The following ZNF385C variants were observed in gnomAD, a reference collection of about 807,000 sequenced individuals.
The protein encoded by ZNF385C is CTD-2132N18.2.
Under a neutral mutation model 35.4 loss-of-function variants are expected in ZNF385C, and 28 were observed. The ratio of observed to expected loss-of-function variants is 0.79; its 90% CI spans 0.59 to 1.08. ZNF385C has a LOEUF of 1.08. Among genes scored for constraint, ZNF385C ranks in the 50% least tolerant of loss-of-function variants. ZNF385C has a pLI of 0.00. For synonymous variants in ZNF385C, 248 were observed against 248.2 expected (o/e 1.00, Z 0.01); for missense variants, 605 against 595.6 (o/e 1.02, Z -0.16).
At chr17:42,074,192 C>A (rs546041925) in intron 1 of ZNF385C, among the ~76,000 whole-genome samples, 1 of 152,246 alleles carries the variant, frequency 6.6e-6, no homozygotes, top group African/African-American at 2.4e-5. Flanking sequence ...CTGTCTCCCC[C>A]ATGAGGGCAG....
intron 2 of ZNF385C, among the ~76,000 whole-genome samples, chr17:42,057,683 G>A (rs568931132): frequency 1.2e-4 from 18 of 152,138 alleles, no homozygotes; most frequent in Admixed American, 8.5e-4. Context: ...AGTGGCTCAC[G>A]CCTATAATCC....
chr17:42,074,769 C>T (rs1392164421), intron 1 of ZNF385C, among the ~76,000 whole-genome samples: 7 of 152,240 alleles, frequency 4.6e-5, no homozygotes, highest in East Asian at 3.8e-4. Flanking sequence ...CCACAGCACA[C>T]GCATCCTCTA....
At chr17:42,042,023 G>A (rs185021424) in intron 2 of ZNF385C, among the ~76,000 whole-genome samples, 9 of 152,080 alleles carry the variant, frequency 5.9e-5, no homozygotes, top group African/African-American at 1.2e-4. Flanking sequence ...AAACACATTC[G>A]AGTTTTTCAA....
chr17:42,053,349 A>T (rs2053318797), intron 2 of ZNF385C, among the ~76,000 whole-genome samples: 1 of 152,006 alleles, frequency 6.6e-6, no homozygotes, highest in African/African-American at 2.4e-5. Flanking sequence ...GGAGGGGAGC[A>T]TTGATTTGGA....
chr17:42,098,473 T>TG (rs1183795277), upstream of ZNF385C: 1 of 126,168 alleles, frequency 7.9e-6, no homozygotes, highest in Non-Finnish European at 1.7e-5. Flanking sequence ...ACGCTGCGTG[T>TG]GGGGCTGGCT....
chr17:42,044,076 G>C (rs2053089689), intron 2 of ZNF385C, among the ~76,000 whole-genome samples: 1 of 150,636 alleles, frequency 6.6e-6, no homozygotes, highest in Admixed American at 6.6e-5. Context: ...AGCACTTTGG[G>C]AGGTGGCTCA....
At position 42,026,396 on chromosome 17, in the gene ZNF385C, C is replaced by T. The variant is rs2052579206; in HGVS notation, c.*501G>A. 5.9e-6 allele frequency: 1 copy of T among 169,958 alleles called. No homozygotes were observed. The highest frequency in any genetic ancestry group is 5.5e-5 in the Admixed American group (1 of 18,184). 10.5% of individuals were successfully genotyped at this position (169,958 alleles called of 1,614,324 possible). A position where few individuals can be genotyped will look rare whatever the true frequency, so the allele number is the denominator to read the frequency against. The stretch of plus-strand genomic sequence containing the variant: ...ACTGCTGATCGAAGGACTTTTGGGT[C>T]CCCCTTTCTCCTCCATGGTCCTCTG... On this transcript the variant is annotated 3_prime_UTR_variant, in exon 9 of 9. Coordinates refer to ENST00000692273, the MANE Select transcript of ZNF385C (RefSeq NM_001392013.1).
chr17:42,092,446 T>G (rs1555660628), intron 1 of ZNF385C, among the ~76,000 whole-genome samples: 1 of 151,404 alleles, frequency 6.6e-6, no homozygotes, highest in African/African-American at 2.4e-5. Flanking sequence ...GCTCATAGGA[T>G]GGGATGAGGC....
At chr17:42,056,741 G>A (rs575925095) in intron 2 of ZNF385C, among the ~76,000 whole-genome samples, 154 of 152,206 alleles carry the variant, frequency 1.0e-3, no homozygotes, top group African/African-American at 3.4e-3. Flanking sequence ...AAAGTCTCAC[G>A]AGATCTGATG....
At chr17:42,075,335 C>T (rs7224322) in intron 1 of ZNF385C, among the ~76,000 whole-genome samples, 2 of 151,748 alleles carry the variant, frequency 1.3e-5, no homozygotes, top group East Asian at 1.9e-4. Flanking sequence ...CTATACTGAG[C>T]GCTCCTCCCC....
chr17:42,072,560 A>G (rs1375783235), intron 1 of ZNF385C, among the ~76,000 whole-genome samples: 1 of 151,940 alleles, frequency 6.6e-6, no homozygotes, highest in African/African-American at 2.4e-5. Context: ...GCCCGCGCCT[A>G]CCTGGAGAGC....
intron 1 of ZNF385C, among the ~76,000 whole-genome samples, chr17:42,064,407 C>G (rs1349641454): frequency 1.3e-5 from 2 of 152,228 alleles, no homozygotes; most frequent in Admixed American, 6.5e-5. Flanking sequence ...GAGCCCATCT[C>G]TCCTGTTATG....
chr17:42,069,457 C>G (rs1555658631), intron 1 of ZNF385C, among the ~76,000 whole-genome samples: 1 of 152,176 alleles, frequency 6.6e-6, no homozygotes, highest in Non-Finnish European at 1.5e-5. Context: ...AGAAAACAGG[C>G]AGCAGACGGT....
intron 1 of ZNF385C, among the ~76,000 whole-genome samples, chr17:42,096,356 G>C (rs1033519603): frequency 5.9e-5 from 9 of 152,194 alleles, no homozygotes; most frequent in Non-Finnish European, 1.3e-4. Flanking sequence ...ATGTGGTCTT[G>C]GAGGGGACTC....
At position 42,025,597 on chromosome 17, in the gene ZNF385C, T is replaced by C. The variant is rs560460733; in HGVS notation, c.*1300A>G. ...AGGCTTGGGCTTCAAGTTCATTTAT[T>C]GATGCATTGGTTGGACACAATAAAA... On this transcript the variant is annotated 3_prime_UTR_variant, in exon 9 of 9. Transcript: ENST00000692273. 1 of 152,546 alleles carries C rather than the reference T, an allele frequency of 6.6e-6. No individual in the cohort carries two copies. The highest frequency in any genetic ancestry group is 1.5e-5 in the Non-Finnish European group (1 of 68,032). 9.4% of individuals were successfully genotyped at this position (152,546 alleles called of 1,614,324 possible). A position where few individuals can be genotyped will look rare whatever the true frequency, so the allele number is the denominator to read the frequency against.
At chr17:42,039,500 A>C in intron 2 of ZNF385C, 14 of 370,658 alleles carry the variant, frequency 3.8e-5, no homozygotes, top group East Asian at 8.3e-5. Flanking sequence ...CCACCCGCCC[A>C]GGCCCCTCTT....
intron 2 of ZNF385C, chr17:42,062,477 C>T (rs1598196771): frequency 4.4e-6 from 1 of 228,544 alleles, no homozygotes; most frequent in Non-Finnish European, 8.4e-6. Context: ...GTCTGAAAGC[C>T]TGTGGCTACC....
At chr17:42,064,685 C>T (rs1031369963) in intron 1 of ZNF385C, among the ~76,000 whole-genome samples, 4 of 152,118 alleles carry the variant, frequency 2.6e-5, no homozygotes, top group African/African-American at 9.6e-5. Context: ...TCAACTCAGC[C>T]TCTCAAGTAG....
At chr17:42,034,408 T>C (rs2052796123) in intron 3 of ZNF385C, 73 bp from the exon 4 acceptor site, 1 of 1,032,526 alleles carries the variant, frequency 9.7e-7, no homozygotes, top group South Asian at 1.5e-5. Context: ...CAGCACAAAA[T>C]GCCCAAAACT....
Sources: gnomAD v4.1 joint callset for allele counts (sites outside exome capture counted in the v4.1 genomes callset) on GRCh38, gnomAD v4.1.1 for gene constraint, MANE v1.5 for transcripts, NCBI Gene and HGNC (gene_info 2026-07-23, HGNC 2026-07-21) for gene names.